PDE4D: variants seen among roughly 807,000 people sequenced by gnomAD.
PDE4D encodes the protein phosphodiesterase 4D.
Under a neutral mutation model 87.4 loss-of-function variants are expected in PDE4D, and 24 were observed. The observed-to-expected ratio is 0.27, with a 90% confidence interval of 0.20 to 0.39. PDE4D has a LOEUF of 0.39. Ranked by LOEUF, PDE4D falls within the 10% of genes least tolerant of loss-of-function variation. The pLI is 1.00. For synonymous variants in PDE4D, 384 were observed against 383.2 expected (o/e 1.00, Z -0.02); for missense variants, 714 against 1,041.0 (o/e 0.69, Z 4.32).
At chr5:60,341,648 A>C (rs1458332138) in intron 1 of PDE4D, among the ~76,000 whole-genome samples, 3 of 152,196 alleles carry the variant, frequency 2.0e-5, no homozygotes, top group Non-Finnish European at 2.9e-5. Flanking sequence ...ACTTAAAACC[A>C]AGAGAAGAAG....
intron 1 of PDE4D, among the ~76,000 whole-genome samples, chr5:59,239,354 T>C (rs1464874185): frequency 6.6e-6 from 1 of 152,180 alleles, no homozygotes; most frequent in Non-Finnish European, 1.5e-5. Flanking sequence ...TCTCTGCCTC[T>C]GAATTCCTGG....
chr5:60,503,162 A>G (rs529051464), intron 1 of PDE4D, among the ~76,000 whole-genome samples: 2 of 152,272 alleles, frequency 1.3e-5, no homozygotes, highest in African/African-American at 4.8e-5. Context: ...ACCATCACGA[A>G]TAAAAATGGA....
At chr5:60,372,943 GA>G (rs1761153684) in intron 1 of PDE4D, among the ~76,000 whole-genome samples, 1 of 152,134 alleles carries the variant, frequency 6.6e-6, no homozygotes, top group Non-Finnish European at 1.5e-5. Flanking sequence ...CAGTGAGATG[GA>G]AAAAAACTTG....
intron 5 of PDE4D, among the ~76,000 whole-genome samples, chr5:59,127,188 G>A (rs1055188426): frequency 1.1e-4 from 16 of 152,200 alleles, no homozygotes; most frequent in Admixed American, 7.9e-4. Flanking sequence ...AGTAATGTGC[G>A]TGTGTGAGGG....
At chr5:58,982,892 G>A (rs1411414889) in intron 11 of PDE4D, among the ~76,000 whole-genome samples, 1 of 152,158 alleles carries the variant, frequency 6.6e-6, no homozygotes, top group Non-Finnish European at 1.5e-5. Flanking sequence ...CCTCTGCCAA[G>A]GTCACACTTT....
At chr5:59,411,871 TTTTAC>T (rs1282585295) in intron 1 of PDE4D, among the ~76,000 whole-genome samples, 1 of 152,234 alleles carries the variant, frequency 6.6e-6, no homozygotes, top group Non-Finnish European at 1.5e-5. Context: ...TTCTCTATCC[TTTTAC>T]TTAATGACGC....
chr5:59,924,811 A>G (rs1198414093), intron 3 of PDE4D, among the ~76,000 whole-genome samples: 1 of 152,208 alleles, frequency 6.6e-6, no homozygotes, highest in Non-Finnish European at 1.5e-5. Flanking sequence ...GCAGGATAGT[A>G]TAACATTATA....
chr5:60,241,386 G>C (rs1747105793), intron 1 of PDE4D, among the ~76,000 whole-genome samples: 1 of 148,390 alleles, frequency 6.7e-6, no homozygotes, highest in South Asian at 2.1e-4. Flanking sequence ...CAATTCTCCT[G>C]CCTCAGCCTC....
At chr5:59,846,038 T>C (rs1425199753) in intron 1 of PDE4D, among the ~76,000 whole-genome samples, 1 of 152,062 alleles carries the variant, frequency 6.6e-6, no homozygotes, top group Non-Finnish European at 1.5e-5. Flanking sequence ...AGGGTGATAT[T>C]TTAATTCTGC....
At chr5:59,841,033 AATT>A (rs1742925483) in intron 1 of PDE4D, among the ~76,000 whole-genome samples, 1 of 152,018 alleles carries the variant, frequency 6.6e-6, no homozygotes. Flanking sequence ...CTATTCCCCA[AATT>A]ATTGTCTCTT....
At chr5:60,296,635 C>G (rs946529913) in intron 1 of PDE4D, among the ~76,000 whole-genome samples, 3 of 152,162 alleles carry the variant, frequency 2.0e-5, no homozygotes, top group African/African-American at 7.2e-5. Context: ...GCAAAAGACA[C>G]ATGCACGTAT....
At chr5:59,448,691 A>G (rs1288432845) in intron 1 of PDE4D, among the ~76,000 whole-genome samples, 3 of 152,202 alleles carry the variant, frequency 2.0e-5, no homozygotes, top group Non-Finnish European at 4.4e-5. Flanking sequence ...TCCAGGCTAG[A>G]GTGCAGTGGC....
intron 1 of PDE4D, among the ~76,000 whole-genome samples, chr5:59,424,986 T>C (rs1369506218): frequency 6.6e-6 from 1 of 152,212 alleles, no homozygotes; most frequent in Non-Finnish European, 1.5e-5. Context: ...TATTACCTAG[T>C]CTGGAGCTAC....
Position 59,550,228 on chromosome 5 carries a change from T to C in PDE4D, c.456-334260A>G, listed in dbSNP as rs139326200. Among the ~76,000 whole-genome samples the C allele has an allele frequency of 1.2e-3, 187 of 152,278 alleles. 1 individual carries two copies. Among genetic ancestry groups the C allele is most frequent in the African/African-American group, 4.1e-3 (171 of 41,552 alleles). On this transcript the variant is annotated intron_variant, in intron 1 of 14. Transcript: ENST00000340635. The stretch of plus-strand genomic sequence containing the variant: ...ATCCTTATGCATCAGTATCCTATCA[T>C]ACACATTTACCTTGATAACATATCA...
At chr5:60,462,262 C>T (rs1747006075) in intron 1 of PDE4D, among the ~76,000 whole-genome samples, 1 of 152,112 alleles carries the variant, frequency 6.6e-6, no homozygotes, top group Admixed American at 6.5e-5. Context: ...TTCACCCTCC[C>T]GAAGCAGATC....
intron 1 of PDE4D, among the ~76,000 whole-genome samples, chr5:60,319,935 C>T (rs936248368): frequency 1.3e-5 from 2 of 152,226 alleles, no homozygotes; most frequent in Non-Finnish European, 2.9e-5. Context: ...GGTCAGGGAC[C>T]CAGTTGCGGA....
intron 1 of PDE4D, among the ~76,000 whole-genome samples, chr5:59,566,534 ATGTGTGTGTGTGTGTGTGTGTG>A (rs34584672): frequency 1.3e-3 from 184 of 140,808 alleles, no homozygotes; most frequent in African/African-American, 3.0e-3. Flanking sequence ...TCACAGTTTC[ATGTGTGTGTGTGTGTGTGTGTG>A]TGTGTGTGTG....
chr5:60,519,378 A>G (rs1396496751), intron 1 of PDE4D, among the ~76,000 whole-genome samples: 3 of 152,240 alleles, frequency 2.0e-5, no homozygotes, highest in African/African-American at 7.2e-5. Context: ...CAGAAAGTTA[A>G]AACACAGTAT....
chr5:60,165,690 CATT>C (rs1434707703), intron 2 of PDE4D, among the ~76,000 whole-genome samples: 5 of 149,474 alleles, frequency 3.3e-5, no homozygotes, highest in Admixed American at 2.0e-4. Context: ...ATCTGTATAA[CATT>C]ATTATATATA....
Sources: gnomAD v4.1 joint callset for allele counts (sites outside exome capture counted in the v4.1 genomes callset) on GRCh38, gnomAD v4.1.1 for gene constraint, MANE v1.5 for transcripts, NCBI Gene and HGNC (gene_info 2026-07-23, HGNC 2026-07-21) for gene names.